COL19A1: variants seen among roughly 807,000 people sequenced by gnomAD.
COL19A1 encodes the protein collagen type XIX alpha 1 chain, also known as collagen alpha-1(XIX) chain.
In COL19A1, 159 loss-of-function variants were observed where a neutral mutation model predicts 190.2. The observed-to-expected ratio is 0.84, with a 90% CI of 0.73 to 0.95. The LOEUF is 0.95. Ranked by LOEUF, COL19A1 falls within the 40% of genes least tolerant of loss-of-function variation. The probability of loss-of-function intolerance (pLI) is 0.00; values close to 1 mark genes in which losing one functional copy is unlikely to be tolerated. For missense variants in COL19A1, 1,418 were observed against 1,431.9 expected (o/e 0.99, Z 0.16); for synonymous variants, 509 against 458.9 (o/e 1.11, Z -1.39).
At chr6:70,039,863 C>T (rs756970994) in intron 14 of COL19A1, among the ~76,000 whole-genome samples, 9 of 151,034 alleles carry the variant, frequency 6.0e-5, no homozygotes, top group Admixed American at 2.6e-4. Flanking sequence ...CATGGGCTTA[C>T]GTGATCCACC....
At chr6:69,868,752 CT>C (rs1767637840) in intron 1 of COL19A1, among the ~76,000 whole-genome samples, 1 of 152,208 alleles carries the variant, frequency 6.6e-6, no homozygotes, top group Admixed American at 6.5e-5. Flanking sequence ...CAGATGGGAA[CT>C]GTTGGTATTT....
rs1561998272 is a variant in COL19A1, at chr6:69,921,442, T to TTC, written c.267-6467_267-6466insTC. Among the ~76,000 whole-genome samples the TTC allele has an allele frequency of 4.5e-5, 5 of 111,306 alleles. No individual in the cohort carries two copies. The South Asian group carries it at 7.6e-4, about 17-fold the overall frequency. 73.0% of individuals were successfully genotyped at this position (111,306 alleles called of 152,430 possible). On this transcript the variant is annotated intron_variant, in intron 4 of 50. Coordinates refer to ENST00000620364, the MANE Select transcript of COL19A1 (RefSeq NM_001858.6). ...TCATATATATCATATATATCATATA[T>TTC]ATCATATATCATATATATCATATAT...
At chr6:70,026,531 A>G (rs1778739883) in intron 12 of COL19A1, among the ~76,000 whole-genome samples, 1 of 152,240 alleles carries the variant, frequency 6.6e-6, no homozygotes, top group South Asian at 2.1e-4. Flanking sequence ...CTTAGTTAAT[A>G]AGTAGATGAT....
intron 9 of COL19A1, among the ~76,000 whole-genome samples, chr6:69,956,918 G>A (rs1172604424): frequency 5.3e-5 from 8 of 151,736 alleles, no homozygotes; most frequent in Middle Eastern, 3.2e-3. Context: ...ATAGGATCTC[G>A]GACATTTTAA....
At chr6:70,079,955 C>A (rs1484071407) in intron 15 of COL19A1, among the ~76,000 whole-genome samples, 1 of 151,786 alleles carries the variant, frequency 6.6e-6, no homozygotes, top group East Asian at 1.9e-4. Context: ...GATGCAAGCA[C>A]AACAAACAAT....
At position 69,938,101 on chromosome 6, in the gene COL19A1, G is replaced by A. The variant is rs368097780; in HGVS notation, c.936+1G>A. 5.0e-6 allele frequency: 8 copies of A among 1,610,878 alleles called. No individual in the cohort carries two copies. Among genetic ancestry groups the A allele is most frequent in the Non-Finnish European group, 6.8e-6 (8 of 1,178,572 alleles). On this transcript the variant is annotated splice_donor_variant, in intron 9 of 50. Transcript: ENST00000620364. LOFTEE classifies it high-confidence loss of function. Reference sequence around the variant, plus strand: ...GCAGAAAGGGCATAAAGGAGAGCCGGTAAGAAAAAAACAAATACTGATGGA... The same window carrying A: ...GCAGAAAGGGCATAAAGGAGAGCCGATAAGAAAAAAACAAATACTGATGGA...
chr6:69,894,403 A>G (rs1307882996), intron 2 of COL19A1, among the ~76,000 whole-genome samples: 2 of 152,226 alleles, frequency 1.3e-5, no homozygotes, highest in African/African-American at 4.8e-5. Flanking sequence ...TTGTAACCTT[A>G]AAACACTTAG....
At chr6:70,169,745 C>T (rs752625329) in intron 40 of COL19A1, among the ~76,000 whole-genome samples, 2 of 152,046 alleles carry the variant, frequency 1.3e-5, no homozygotes, top group Non-Finnish European at 2.9e-5. Context: ...ACCAACTATA[C>T]GCTTCATTCT....
intron 11 of COL19A1, among the ~76,000 whole-genome samples, chr6:69,984,442 C>G (rs530543640): frequency 6.4e-4 from 97 of 152,230 alleles, no homozygotes; most frequent in African/African-American, 2.1e-3. Flanking sequence ...AGATAATGGA[C>G]TTAAACTACC....
chr6:69,943,828 A>T (rs1773620912), intron 9 of COL19A1, among the ~76,000 whole-genome samples: 2 of 152,192 alleles, frequency 1.3e-5, no homozygotes, highest in South Asian at 4.1e-4. Context: ...TTCATAGAGA[A>T]AAATGTTACT....
At chr6:70,005,329 T>A (rs185647136) in intron 11 of COL19A1, among the ~76,000 whole-genome samples, 76 of 152,248 alleles carry the variant, frequency 5.0e-4, no homozygotes, top group African/African-American at 1.6e-3. Context: ...TTGGATGGAT[T>A]TTTTTTAGGG....
At chr6:69,999,717 G>A (rs1187644506) in intron 11 of COL19A1, among the ~76,000 whole-genome samples, 2 of 152,082 alleles carry the variant, frequency 1.3e-5, no homozygotes, top group African/African-American at 2.4e-5. Context: ...CACTAAATTA[G>A]TATCTAATGT....
intron 49 of COL19A1, among the ~76,000 whole-genome samples, chr6:70,206,218 T>G (rs1444786331): frequency 2.0e-5 from 3 of 152,242 alleles, no homozygotes; most frequent in African/African-American, 7.2e-5. Flanking sequence ...ATTTAGCCTA[T>G]ACCTTGCCTT....
intron 34 of COL19A1, among the ~76,000 whole-genome samples, chr6:70,157,497 T>C (rs1049410720): frequency 1.3e-5 from 2 of 152,154 alleles, no homozygotes; most frequent in Non-Finnish European, 2.9e-5. Flanking sequence ...CTTGATGTTA[T>C]TGTAGAAAAT....
At chr6:69,953,438 A>G (rs949429806) in intron 9 of COL19A1, among the ~76,000 whole-genome samples, 1 of 152,050 alleles carries the variant, frequency 6.6e-6, no homozygotes, top group Non-Finnish European at 1.5e-5. Context: ...TTGAATTATC[A>G]GTGAAAAACT....
intron 11 of COL19A1, among the ~76,000 whole-genome samples, chr6:69,966,211 GC>G (rs201886147): frequency 0.023 from 3,479 of 152,230 alleles, 126 homozygotes; most frequent in African/African-American, 0.077. Context: ...CCTCTGCCCG[GC>G]CGCCCCGTCT....
chr6:70,005,796 C>T (rs1288081068), intron 11 of COL19A1, among the ~76,000 whole-genome samples: 3 of 152,058 alleles, frequency 2.0e-5, no homozygotes, highest in Non-Finnish European at 2.9e-5. Flanking sequence ...TGTGGTCACT[C>T]GCCCCCTGCC....
chr6:69,893,017 T>C (rs1162508296), intron 2 of COL19A1, among the ~76,000 whole-genome samples: 2 of 152,260 alleles, frequency 1.3e-5, no homozygotes, highest in East Asian at 3.8e-4. Flanking sequence ...ACAAATTTTG[T>C]TCATAGGAGT....
At chr6:70,073,763 A>G (rs1406575753) in intron 15 of COL19A1, among the ~76,000 whole-genome samples, 1 of 152,170 alleles carries the variant, frequency 6.6e-6, no homozygotes, top group African/African-American at 2.4e-5. Context: ...AAAGAAAGAT[A>G]TGAAGATTGG....
Sources: gnomAD v4.1 joint callset for allele counts (sites outside exome capture counted in the v4.1 genomes callset) on GRCh38, gnomAD v4.1.1 for gene constraint, MANE v1.5 for transcripts, NCBI Gene and HGNC (gene_info 2026-07-23, HGNC 2026-07-21) for gene names.